PCDH15: variants seen among roughly 807,000 people sequenced by gnomAD.
PCDH15 encodes protocadherin related 15, also known as protocadherin-15.
Under a neutral mutation model 178.5 loss-of-function variants are expected in PCDH15, and 129 were observed. The ratio of observed to expected loss-of-function variants is 0.72; its 90% confidence interval spans 0.63 to 0.84. The LOEUF (loss-of-function observed/expected upper bound fraction) is 0.84. PCDH15 is among the 40% of genes least tolerant of loss of function. The pLI is 0.00. For missense variants in PCDH15, 2,230 were observed against 2,099.9 expected, an observed-to-expected ratio of 1.06 and a Z score of -1.21; for synonymous variants, 800 against 732.0, an observed-to-expected ratio of 1.09 and a Z score of -1.50.
At chr10:54,986,242 C>G (rs753449239) in intron 2 of PCDH15, among the ~76,000 whole-genome samples, 26 of 151,830 alleles carry the variant, frequency 1.7e-4, no homozygotes, top group Non-Finnish European at 3.5e-4. Context: ...TACACTGTAG[C>G]TTTCTGTCAA....
chr10:53,910,242 C>T (rs955126261), intron 25 of PCDH15, among the ~76,000 whole-genome samples: 6 of 152,144 alleles, frequency 3.9e-5, no homozygotes, highest in Admixed American at 3.9e-4. Flanking sequence ...AACTGGGAGG[C>T]ACCTCCCAGT....
At chr10:55,605,633 C>A (rs898082269) in intron 2 of PCDH15, among the ~76,000 whole-genome samples, 4 of 145,598 alleles carry the variant, frequency 2.7e-5, no homozygotes, top group African/African-American at 5.2e-5. Context: ...TAAACAGAAC[C>A]AAAGACAAAA....
At chr10:54,997,338 A>C (rs10763163) in intron 2 of PCDH15, among the ~76,000 whole-genome samples, 111,403 of 152,042 alleles carry the variant, frequency 0.73, 40,951 homozygotes, top group East Asian at 0.87. Context: ...GTTGCATCTA[A>C]CAAATTGGCT....
chr10:55,435,608 G>C (rs942531163), intron 2 of PCDH15, among the ~76,000 whole-genome samples: 2 of 151,860 alleles, frequency 1.3e-5, no homozygotes, highest in African/African-American at 4.8e-5. Flanking sequence ...GCAAAGTATT[G>C]CCTCAATTAA....
intron 29 of PCDH15, among the ~76,000 whole-genome samples, chr10:53,836,250 C>T (rs895372274): frequency 9.9e-5 from 15 of 152,208 alleles, no homozygotes; most frequent in African/African-American, 3.6e-4. Context: ...GGATGGCTGC[C>T]ATGATGCCAT....
intron 18 of PCDH15, among the ~76,000 whole-genome samples, chr10:54,026,254 G>T (rs2135365800): frequency 6.6e-6 from 1 of 152,018 alleles, no homozygotes; most frequent in Non-Finnish European, 1.5e-5. Context: ...ATTTTTATCA[G>T]AAACGGGGTT....
At chr10:54,146,856 A>G (rs1484367167) in intron 14 of PCDH15, among the ~76,000 whole-genome samples, 1 of 147,180 alleles carries the variant, frequency 6.8e-6, no homozygotes, top group Non-Finnish European at 1.5e-5. Flanking sequence ...GGCTGGGTCG[A>G]TCTGTAAAAA....
intron 3 of PCDH15, among the ~76,000 whole-genome samples, chr10:54,457,553 C>T (rs893637549): frequency 3.9e-5 from 6 of 152,102 alleles, no homozygotes; most frequent in Non-Finnish European, 7.4e-5. Context: ...GCTCTCAGCT[C>T]ATGTTTGGAG....
chr10:55,367,698 A>C (rs1459939297), intron 2 of PCDH15, among the ~76,000 whole-genome samples: 1 of 152,180 alleles, frequency 6.6e-6, no homozygotes, highest in African/African-American at 2.4e-5. Flanking sequence ...CACAGAAGCA[A>C]AGGAAACATT....
intron 2 of PCDH15, among the ~76,000 whole-genome samples, chr10:54,973,635 G>C (rs981664066): frequency 2.6e-5 from 4 of 152,158 alleles, no homozygotes; most frequent in Non-Finnish European, 5.9e-5. Context: ...TACATGAGCA[G>C]ACAACTGAAG....
At chr10:55,589,744 A>C in intron 2 of PCDH15, among the ~76,000 whole-genome samples, 1 of 149,928 alleles carries the variant, frequency 6.7e-6, no homozygotes, top group East Asian at 2.0e-4. Flanking sequence ...AGAGAAATGC[A>C]AATCAAAACC....
intron 3 of PCDH15, among the ~76,000 whole-genome samples, chr10:54,887,429 A>G (rs1247089353): frequency 6.6e-6 from 1 of 152,132 alleles, no homozygotes; most frequent in Non-Finnish European, 1.5e-5. Flanking sequence ...ATTCTAAGTG[A>G]TTATATCCCG....
intron 2 of PCDH15, among the ~76,000 whole-genome samples, chr10:55,567,434 T>TAA (rs567268602): frequency 2.8e-4 from 35 of 124,160 alleles, no homozygotes; most frequent in Non-Finnish European, 4.2e-4. Flanking sequence ...TCACAAAAAG[T>TAA]AAAAAAAAAA....
At chr10:55,476,453 A>G (rs1840064150) in intron 2 of PCDH15, among the ~76,000 whole-genome samples, 2 of 152,044 alleles carry the variant, frequency 1.3e-5, no homozygotes, top group Non-Finnish European at 2.9e-5. Flanking sequence ...TTTTAAATTG[A>G]CAATGATTGG....
chr10:54,054,861 T>C (rs1445142370), intron 18 of PCDH15, among the ~76,000 whole-genome samples: 1 of 152,140 alleles, frequency 6.6e-6, no homozygotes, highest in Non-Finnish European at 1.5e-5. Flanking sequence ...TTGCATTATA[T>C]AGTTTGGCTT....
chr10:54,044,326 A>G (rs890339808), intron 18 of PCDH15, among the ~76,000 whole-genome samples: 3 of 152,134 alleles, frequency 2.0e-5, no homozygotes, highest in Admixed American at 6.6e-5. Flanking sequence ...AGTTAAAGGT[A>G]TATAGAAGTG....
rs1410654620 is a variant in PCDH15 at position 54,993,806 on chromosome 10, AT to A, written c.-79-96307del. Among the ~76,000 whole-genome samples, 19 of 152,238 alleles carry A rather than the reference AT, an allele frequency of 1.2e-4. No individual in the cohort carries two copies. The East Asian group carries it at 3.5e-3, about 28-fold the overall frequency. ...GAAAATCTACAGTGAAAATATATTTATTTTTTGTTACTGAATAAAATAAATT... is the reference window on the plus strand; with the variant it reads ...GAAAATCTACAGTGAAAATATATTTATTTTTGTTACTGAATAAAATAAATT... On this transcript the variant is annotated intron_variant, in intron 2 of 5. Coordinates refer to the PCDH15 transcript ENST00000458638.
chr10:54,872,689 C>T (rs2131796559), intron 3 of PCDH15, among the ~76,000 whole-genome samples: 1 of 152,192 alleles, frequency 6.6e-6, no homozygotes, highest in African/African-American at 2.4e-5. Flanking sequence ...AACAGCCTTG[C>T]ATCATGCTCG....
At chr10:54,072,162 A>C (rs753295593) in intron 17 of PCDH15, among the ~76,000 whole-genome samples, 1 of 152,150 alleles carries the variant, frequency 6.6e-6, no homozygotes, top group African/African-American at 2.4e-5. Flanking sequence ...CTTCACTACT[A>C]TATCTAAAAT....
Sources: gnomAD v4.1 joint callset for allele counts (sites outside exome capture counted in the v4.1 genomes callset) on GRCh38, gnomAD v4.1.1 for gene constraint, MANE v1.5 for transcripts, NCBI Gene and HGNC (gene_info 2026-07-23, HGNC 2026-07-21) for gene names.